SPAG16: variants seen among roughly 807,000 people sequenced by gnomAD.
SPAG16 encodes sperm associated antigen 16.
SPAG16 carries 86 observed loss-of-function variants against 80.4 expected under a neutral mutation model. The ratio of observed to expected loss-of-function variants is 1.07; its 90% confidence interval spans 0.90 to 1.28. SPAG16 has a LOEUF of 1.28. Ranked by LOEUF, SPAG16 falls within the 50% of genes most tolerant of loss-of-function variation. The probability of loss-of-function intolerance (pLI) is 0.00; values close to 1 mark genes in which losing one functional copy is unlikely to be tolerated. For synonymous variants in SPAG16, 294 were observed against 265.9 expected, an observed-to-expected ratio of 1.11 and a Z score of -1.03; for missense variants, 870 against 765.3, an observed-to-expected ratio of 1.14 and a Z score of -1.61.
At position 213,643,348 on chromosome 2, in the gene SPAG16, TTATATATATATATATATATATATA is replaced by T. The variant is rs61608932; in HGVS notation, c.1070+153298_1070+153321del. Among the ~76,000 whole-genome samples the T allele has an allele frequency of 7.7e-3, 301 of 39,112 alleles. 8 individuals are homozygous for T. The highest frequency in any genetic ancestry group is 0.011 in the Non-Finnish European group (229 of 21,290). The allele number at this position is 39,112 out of a possible 152,430, so 25.7% of individuals were successfully genotyped here. ...CTGCCAGATGTATTGGATCTTAATT[TTATATATATATATATATATATATA>T]TATATATATATATATATATATATAT... On this transcript the variant is annotated intron_variant, in intron 10 of 15. Transcript: ENST00000331683.
intron 12 of SPAG16, among the ~76,000 whole-genome samples, chr2:214,011,676 T>C: frequency 6.6e-6 from 1 of 152,340 alleles, no homozygotes; most frequent in East Asian, 1.9e-4. Flanking sequence ...GATTAAAATA[T>C]TATCAGCCTA....
chr2:213,782,113 A>C (rs2070022108), intron 10 of SPAG16, among the ~76,000 whole-genome samples: 1 of 152,096 alleles, frequency 6.6e-6, no homozygotes, highest in Non-Finnish European at 1.5e-5. Context: ...TCTCATTTCA[A>C]AGTCTGTGGG....
At chr2:213,793,174 C>T (rs1326280391) in intron 10 of SPAG16, among the ~76,000 whole-genome samples, 2 of 151,494 alleles carry the variant, frequency 1.3e-5, no homozygotes, top group East Asian at 1.9e-4. Context: ...GTGATCCACC[C>T]GCCTCGGCCT....
chr2:214,185,876 T>C (rs2057452679), intron 15 of SPAG16, among the ~76,000 whole-genome samples: 1 of 152,118 alleles, frequency 6.6e-6, no homozygotes, highest in South Asian at 2.1e-4. Flanking sequence ...ATCCTGTTTG[T>C]TTCCTTTATA....
chr2:214,302,804 T>G (rs1694651883), intron 15 of SPAG16, among the ~76,000 whole-genome samples: 1 of 152,194 alleles, frequency 6.6e-6, no homozygotes, highest in Admixed American at 6.5e-5. Context: ...TTTATGAATA[T>G]AATGCTCTGG....
intron 10 of SPAG16, among the ~76,000 whole-genome samples, chr2:213,692,844 T>C (rs1177149922): frequency 6.6e-6 from 1 of 151,918 alleles, no homozygotes; most frequent in Non-Finnish European, 1.5e-5. Context: ...AAGTTTTATC[T>C]TGAAAACTAT....
At chr2:213,949,179 T>TTTTTTTTTTTTTTTTTGTTTTTTTTG (rs1553677674) in intron 12 of SPAG16, among the ~76,000 whole-genome samples, 1 of 36,244 alleles carries the variant, frequency 2.8e-5, no homozygotes, top group Non-Finnish European at 5.5e-5. Context: ...GTTTTTTTTT[T>TTTTTTTTTTTTTTTTTGTTTTTTTTG]TTTTTTTTTT....
At chr2:213,553,328 C>T (rs1031137031) in intron 10 of SPAG16, among the ~76,000 whole-genome samples, 1 of 152,102 alleles carries the variant, frequency 6.6e-6, no homozygotes, top group Non-Finnish European at 1.5e-5. Flanking sequence ...CATAGAATCA[C>T]TGGTAAGAAC....
intron 10 of SPAG16, among the ~76,000 whole-genome samples, chr2:213,657,199 A>T (rs546426730): frequency 6.6e-6 from 1 of 152,156 alleles, no homozygotes; most frequent in Non-Finnish European, 1.5e-5. Context: ...AAATTAATGG[A>T]TTATGTAAAG....
chr2:214,334,729 T>C (rs1697160822), intron 15 of SPAG16, among the ~76,000 whole-genome samples: 1 of 152,250 alleles, frequency 6.6e-6, no homozygotes, highest in Admixed American at 6.5e-5. Context: ...CCTTCTTTCA[T>C]TTCCAGATTG....
intron 15 of SPAG16, among the ~76,000 whole-genome samples, chr2:214,288,122 T>A (rs115003103): frequency 0.024 from 3,673 of 151,788 alleles, 163 homozygotes; most frequent in African/African-American, 0.084. Context: ...CTATTCTCTG[T>A]CTCCATGAGA....
chr2:213,602,687 G>T (rs1027900286), intron 10 of SPAG16, among the ~76,000 whole-genome samples: 1 of 152,142 alleles, frequency 6.6e-6, no homozygotes, highest in Non-Finnish European at 1.5e-5. Context: ...CCACCCAAAA[G>T]CTGGCAGAAA....
intron 15 of SPAG16, among the ~76,000 whole-genome samples, chr2:214,316,496 C>A (rs945924840): frequency 6.6e-6 from 1 of 152,166 alleles, no homozygotes; most frequent in Non-Finnish European, 1.5e-5. Context: ...TTGCCTGCAA[C>A]GTTGCTAGCA....
At chr2:213,373,813 T>A (rs1329111527) in intron 8 of SPAG16, among the ~76,000 whole-genome samples, 2 of 152,218 alleles carry the variant, frequency 1.3e-5, no homozygotes, top group Non-Finnish European at 2.9e-5. Flanking sequence ...TATGAGTTGT[T>A]TAGAATAGTG....
At chr2:214,059,184 G>GTCTCTC (rs1338455574) in intron 13 of SPAG16, among the ~76,000 whole-genome samples, 808 of 58,384 alleles carry the variant, frequency 0.014, 9 homozygotes, top group African/African-American at 0.045. Context: ...CTCTCTCTCT[G>GTCTCTC]TCTATATATA....
chr2:213,406,045 G>C (rs553768874), intron 9 of SPAG16, among the ~76,000 whole-genome samples: 9 of 152,186 alleles, frequency 5.9e-5, no homozygotes, highest in Non-Finnish European at 1.3e-4. Flanking sequence ...TCAAAAGTGA[G>C]GTTGCCTTAG....
At chr2:213,653,224 C>T (rs1172599958) in intron 10 of SPAG16, among the ~76,000 whole-genome samples, 1 of 152,158 alleles carries the variant, frequency 6.6e-6, no homozygotes, top group Non-Finnish European at 1.5e-5. Flanking sequence ...ATAACCTCTA[C>T]CTTTGGTTAA....
intron 10 of SPAG16, among the ~76,000 whole-genome samples, chr2:213,848,854 C>T (rs11685323): frequency 1.3e-5 from 2 of 151,776 alleles, no homozygotes; most frequent in Non-Finnish European, 2.9e-5. Context: ...ACAGTTTCTG[C>T]TTGTGGCCTA....
chr2:213,969,756 T>G (rs977085426), intron 12 of SPAG16, among the ~76,000 whole-genome samples: 2 of 152,132 alleles, frequency 1.3e-5, no homozygotes, highest in African/African-American at 4.8e-5. Flanking sequence ...TAAGACAATT[T>G]CTAAAATCTG....
Sources: gnomAD v4.1 joint callset for allele counts (sites outside exome capture counted in the v4.1 genomes callset) on GRCh38, gnomAD v4.1.1 for gene constraint, MANE v1.5 for transcripts, NCBI Gene and HGNC (gene_info 2026-07-23, HGNC 2026-07-21) for gene names.